Variants in BCL11A observed in about 807,000 individuals in gnomAD.
BCL11A encodes BCL11 transcription factor A, also known as B cell CLL/lymphoma 11A.
In BCL11A, 2 loss-of-function variants were observed where a neutral mutation model predicts 55.9. That is an observed-to-expected ratio of 0.04 (90% CI 0.01 to 0.11). BCL11A has a LOEUF of 0.11. Ranked by LOEUF, BCL11A falls within the 10% of genes least tolerant of loss-of-function variation. The pLI, the probability that BCL11A is intolerant of heterozygous loss-of-function variation, is 1.00. For synonymous variants in BCL11A, 465 were observed against 473.4 expected (o/e 0.98, Z 0.23); for missense variants, 817 against 1,137.1 (o/e 0.72, Z 4.05).
At chr2:60,545,838 A>C in intron 2 of BCL11A, 133 bp downstream of exon 2, 2 of 729,814 alleles carry the variant, frequency 2.7e-6, no homozygotes, top group Non-Finnish European at 4.7e-6. Flanking sequence ...TTATTTTAAC[A>C]TTACAGGGCT....
At chr2:60,510,758 C>G (rs1349924113) in intron 2 of BCL11A, among the ~76,000 whole-genome samples, 5 of 152,306 alleles carry the variant, frequency 3.3e-5, no homozygotes, top group African/African-American at 1.2e-4. Context: ...CCACTCAATG[C>G]CATATCTATA....
Position 60,546,342 on chromosome 2 carries a change from A to G in BCL11A, c.56-42T>C, listed in dbSNP as rs945160622. On this transcript the variant is annotated intron_variant, in intron 1 of 3. Coordinates refer to ENST00000642384, the MANE Select transcript of BCL11A (RefSeq NM_022893.4). This position sits in a 1 kb window ranked among gnomAD's most constrained non-coding sequence, Gnocchi z 4.1. ...AAAAGCACAATTATTAGAGTGCCAG[A>G]GAGGACAGAAAGGGGAGAAGCACAT... is the stretch of plus-strand genomic sequence containing the variant. 1.3e-6 allele frequency: 2 copies of G among 1,561,724 alleles called. No individual in the cohort carries two copies. The highest frequency in any genetic ancestry group is 1.8e-6 in the Non-Finnish European group (2 of 1,141,026).
chr2:60,509,540 C>T (rs1000557959), intron 2 of BCL11A, among the ~76,000 whole-genome samples: 1 of 152,064 alleles, frequency 6.6e-6, no homozygotes, highest in African/African-American at 2.4e-5. Context: ...AACAGCAGCT[C>T]GATGGTCTAC....
intron 2 of BCL11A, among the ~76,000 whole-genome samples, chr2:60,540,870 T>C (rs1669888030): frequency 6.6e-6 from 1 of 151,960 alleles, no homozygotes; most frequent in Admixed American, 6.6e-5. Context: ...AAAACATATT[T>C]CAGATCCTTT....
chr2:60,521,262 T>C (rs1306856348), intron 2 of BCL11A, among the ~76,000 whole-genome samples: 1 of 152,246 alleles, frequency 6.6e-6, no homozygotes, highest in African/African-American at 2.4e-5. Context: ...AGATGGCAGC[T>C]AAAAGCGCCA....
At chr2:60,452,880 C>G (rs1339953569), downstream of BCL11A, 2 of 493,108 alleles carry the variant, frequency 4.1e-6, no homozygotes, top group Non-Finnish European at 7.4e-6. Context: ...CCCTCCCTTC[C>G]GTCCCCCCAA....
At position 60,461,191 on chromosome 2, in the gene BCL11A, T is replaced by A. The variant is rs769370933; in HGVS notation, c.1721A>T (p.His574Leu). 6.2e-7 allele frequency: 1 copy of A among 1,612,408 alleles called. No homozygotes were observed. The highest frequency in any genetic ancestry group is 1.1e-5 in the South Asian group (1 of 91,056). The change falls in exon 4 of 4, where the codon CAC (histidine) becomes CTC (leucine). Residue 574 changes from histidine (H) to leucine (L), a missense_variant. His to Leu is a moderately conservative substitution (Grantham distance 99). This residue lies in a region of BCL11A where 379 missense variants were observed against 425.3 expected (regional missense o/e 0.89). Coordinates refer to ENST00000642384, the MANE Select transcript of BCL11A (RefSeq NM_022893.4). ...CCTGTGGCCCTCGGCCTCGGCCAGG[T>A]GGCCGCGCTTATGCTTCTCGCCCAG... ...QVLGEKHKRG[H>L]LAEAEGHRDT...
At chr2:60,543,842 A>G (rs1298195748) in intron 2 of BCL11A, 3 of 152,236 alleles carry the variant, frequency 2.0e-5, no homozygotes, top group Non-Finnish European at 2.9e-5. Context: ...TTTTCGTCTC[A>G]GTTAAATGAT....
intron 2 of BCL11A, among the ~76,000 whole-genome samples, chr2:60,490,444 T>C (rs922140054): frequency 2.6e-5 from 4 of 152,214 alleles, no homozygotes; most frequent in African/African-American, 9.7e-5. Flanking sequence ...AAGGAAAATA[T>C]TCTGCCCAAG....
intron 2 of BCL11A, chr2:60,544,789 A>C (rs1670075912): frequency 6.6e-6 from 1 of 152,254 alleles, no homozygotes; most frequent in Non-Finnish European, 1.5e-5. Flanking sequence ...AAAGCGATCC[A>C]CCAACAGGCA....
At chr2:60,510,923 C>A (rs1679945282) in intron 2 of BCL11A, among the ~76,000 whole-genome samples, 1 of 152,204 alleles carries the variant, frequency 6.6e-6, no homozygotes, top group African/African-American at 2.4e-5. Flanking sequence ...GAACCCTTGA[C>A]AGGAGCCAGT....
At chr2:60,481,124 C>T (rs1264504735) in intron 2 of BCL11A, among the ~76,000 whole-genome samples, 1 of 151,994 alleles carries the variant, frequency 6.6e-6, no homozygotes, top group Non-Finnish European at 1.5e-5. Context: ...CAGTGGTGGC[C>T]GCAGCTCAGG....
intron 2 of BCL11A, among the ~76,000 whole-genome samples, chr2:60,472,092 C>A (rs900891837): frequency 6.6e-6 from 1 of 152,160 alleles, no homozygotes; most frequent in Non-Finnish European, 1.5e-5. Context: ...ACAAATTAAG[C>A]TTAGGGAATC....
chr2:60,491,940 G>A (rs980786792), intron 2 of BCL11A, among the ~76,000 whole-genome samples: 2 of 152,192 alleles, frequency 1.3e-5, no homozygotes, highest in East Asian at 1.9e-4. Context: ...TTGCATTTAC[G>A]CTAAATACCT....
intron 2 of BCL11A, among the ~76,000 whole-genome samples, chr2:60,474,095 A>G (rs1038949532): frequency 1.3e-5 from 2 of 152,136 alleles, no homozygotes; most frequent in African/African-American, 4.8e-5. Context: ...TTTTTGATCA[A>G]TGCTATCCTC....
At chr2:60,506,988 G>A (rs541261530) in intron 2 of BCL11A, among the ~76,000 whole-genome samples, 2 of 152,124 alleles carry the variant, frequency 1.3e-5, no homozygotes, top group African/African-American at 4.8e-5. Context: ...ACATGTTGGC[G>A]TAACTGAGCT....
intron 2 of BCL11A, among the ~76,000 whole-genome samples, chr2:60,501,938 T>C (rs1336686978): frequency 6.6e-6 from 1 of 152,200 alleles, no homozygotes; most frequent in Non-Finnish European, 1.5e-5. Flanking sequence ...CCTTTTATTC[T>C]AATTATTTTA....
chr2:60,500,959 G>T (rs541370956), intron 2 of BCL11A, among the ~76,000 whole-genome samples: 5 of 152,230 alleles, frequency 3.3e-5, no homozygotes, highest in African/African-American at 9.6e-5. Flanking sequence ...AGCCTAGCTG[G>T]GTGGGCTTGC....
intron 2 of BCL11A, among the ~76,000 whole-genome samples, chr2:60,541,402 T>G (rs1445286702): frequency 6.6e-6 from 1 of 152,212 alleles, no homozygotes; most frequent in Admixed American, 6.5e-5. Context: ...TAATTAAGCT[T>G]TCAAAAGTCC....
Sources: gnomAD v4.1 joint callset for allele counts (sites outside exome capture counted in the v4.1 genomes callset) on GRCh38, gnomAD v4.1.1 for gene constraint, gnomAD v4.1.1 regional missense constraint, Gnocchi (gnomAD v3.1) non-coding constraint, MANE v1.5 for transcripts, NCBI Gene and HGNC (gene_info 2026-07-23, HGNC 2026-07-21) for gene names.